CNTNAP2: variants seen among roughly 807,000 people sequenced by gnomAD.
The protein encoded by CNTNAP2 is contactin-associated protein-like 2.
A neutral mutation model predicts 155.2 loss-of-function variants in CNTNAP2; 98 were observed. The observed-to-expected ratio is 0.63, with a 90% CI of 0.54 to 0.75. CNTNAP2 has a LOEUF of 0.75. Ranked by LOEUF, CNTNAP2 falls within the 30% of genes least tolerant of loss-of-function variation. The pLI is 0.00. For synonymous variants in CNTNAP2, 651 were observed against 631.2 expected, an observed-to-expected ratio of 1.03 and a Z score of -0.47; for missense variants, 1,727 against 1,688.1, an observed-to-expected ratio of 1.02 and a Z score of -0.40.
At chr7:147,110,080 A>G (rs1800845859) in intron 5 of CNTNAP2, among the ~76,000 whole-genome samples, 1 of 151,940 alleles carries the variant, frequency 6.6e-6, no homozygotes, top group African/African-American at 2.4e-5. Flanking sequence ...ACCTACCACC[A>G]TGCCCGGTTA....
chr7:146,468,679 T>G (rs1796751665), intron 1 of CNTNAP2, among the ~76,000 whole-genome samples: 1 of 152,092 alleles, frequency 6.6e-6, no homozygotes, highest in African/African-American at 2.4e-5. Flanking sequence ...AGAAATAAGC[T>G]CTCTGCTTTG....
At chr7:146,821,052 G>A (rs1356785190) in intron 2 of CNTNAP2, among the ~76,000 whole-genome samples, 4 of 152,092 alleles carry the variant, frequency 2.6e-5, no homozygotes, top group Non-Finnish European at 4.4e-5. Context: ...TTGAGCCTAT[G>A]TGTGTGTCTG....
intron 8 of CNTNAP2, among the ~76,000 whole-genome samples, chr7:147,238,478 C>G (rs1259352798): frequency 6.6e-6 from 1 of 152,020 alleles, no homozygotes; most frequent in Admixed American, 6.6e-5. Context: ...AAATAGTCAT[C>G]TAAATCCTGA....
chr7:146,372,585 T>C (rs1795251185), intron 1 of CNTNAP2, among the ~76,000 whole-genome samples: 1 of 152,156 alleles, frequency 6.6e-6, no homozygotes, highest in Non-Finnish European at 1.5e-5. Context: ...GTTATTTTCA[T>C]GTTCCCAAAT....
intron 8 of CNTNAP2, among the ~76,000 whole-genome samples, chr7:147,292,904 G>A (rs1367403184): frequency 1.3e-5 from 2 of 152,056 alleles, no homozygotes; most frequent in African/African-American, 4.8e-5. Context: ...GGAGTAGCTG[G>A]GATTACAGGC....
At chr7:147,469,868 A>G (rs376838289) in intron 10 of CNTNAP2, among the ~76,000 whole-genome samples, 25 of 152,268 alleles carry the variant, frequency 1.6e-4, no homozygotes, top group African/African-American at 6.0e-4. Context: ...TTGGGATGGC[A>G]TTTGTGCACA....
At chr7:148,201,116 G>A (rs778815948) in intron 18 of CNTNAP2, among the ~76,000 whole-genome samples, 2 of 152,234 alleles carry the variant, frequency 1.3e-5, no homozygotes, top group Non-Finnish European at 1.5e-5. Context: ...CAAACTCTCA[G>A]CATGTCAGAT....
intron 2 of CNTNAP2, among the ~76,000 whole-genome samples, chr7:146,780,424 T>C (rs1485580541): frequency 8.6e-5 from 13 of 151,980 alleles, no homozygotes. Context: ...CTCCTGACCT[T>C]GTGATCCACC....
intron 1 of CNTNAP2, among the ~76,000 whole-genome samples, chr7:146,703,365 C>G (rs1281979300): frequency 6.6e-6 from 1 of 152,116 alleles, no homozygotes; most frequent in Non-Finnish European, 1.5e-5. Flanking sequence ...ATGCAGAAAT[C>G]AAACTGTGGA....
chr7:147,140,323 G>T (rs144251677), intron 8 of CNTNAP2, among the ~76,000 whole-genome samples: 2 of 151,944 alleles, frequency 1.3e-5, no homozygotes, highest in Admixed American at 6.6e-5. Flanking sequence ...ACCCCTAGAC[G>T]TACAACCTGC....
chr7:146,820,607 AGGTGT>A (rs992010407), intron 2 of CNTNAP2, among the ~76,000 whole-genome samples: 10 of 152,096 alleles, frequency 6.6e-5, no homozygotes, highest in Admixed American at 2.0e-4. Flanking sequence ...ATTTTGGAGT[AGGTGT>A]GGTGTGGTGC....
chr7:147,128,773 C>A lies in CNTNAP2; in HGVS notation c.1020C>A (p.Ile340=). The change falls in exon 7 of 24, where the codon ATC becomes ATA. Residue 340 remains isoleucine (I), a synonymous_variant. Coordinates refer to ENST00000361727, the MANE Select transcript of CNTNAP2 (RefSeq NM_014141.6). ...ATTTCAAAGGCTGCATGGAAAGCAT[C>A]AACTACAATGGCGTCAACATTACTG... is the stretch of plus-strand genomic sequence containing the variant. ...RKNFKGCMES[I]NYNGVNITDL... 6.2e-7 allele frequency: 1 copy of A among 1,614,076 alleles called. No individual in the cohort carries two copies. Among genetic ancestry groups the A allele is most frequent in the South Asian group, 1.1e-5 (1 of 91,088 alleles).
intron 1 of CNTNAP2, among the ~76,000 whole-genome samples, chr7:146,493,725 C>G (rs150889740): frequency 4.0e-4 from 61 of 151,748 alleles, no homozygotes; most frequent in African/African-American, 1.5e-3. Context: ...AAAACAGACA[C>G]TTAAAAGTTT....
intron 11 of CNTNAP2, among the ~76,000 whole-genome samples, chr7:147,536,217 C>T (rs1237123954): frequency 2.6e-5 from 4 of 152,230 alleles, no homozygotes; most frequent in African/African-American, 7.2e-5. Flanking sequence ...TCTCCAATTA[C>T]TCTTCATCTG....
intron 22 of CNTNAP2, among the ~76,000 whole-genome samples, chr7:148,399,344 G>GT (rs68151833): frequency 0.13 from 20,536 of 152,162 alleles, 2,929 homozygotes; most frequent in African/African-American, 0.36. Context: ...GCAGTGGCAC[G>GT]TGCCTATAGT....
chr7:147,665,908 T>A (rs1719837996), intron 13 of CNTNAP2, among the ~76,000 whole-genome samples: 1 of 152,182 alleles, frequency 6.6e-6, no homozygotes, highest in African/African-American at 2.4e-5. Context: ...TCTTTGTGTA[T>A]TCTAACAGTT....
chr7:146,658,446 T>C (rs936463741), intron 1 of CNTNAP2, among the ~76,000 whole-genome samples: 3 of 151,994 alleles, frequency 2.0e-5, no homozygotes, highest in African/African-American at 7.3e-5. Flanking sequence ...AAAAGGAATA[T>C]TCATCCTTTT....
intron 8 of CNTNAP2, among the ~76,000 whole-genome samples, chr7:147,255,048 C>T (rs1804291376): frequency 6.6e-6 from 1 of 152,112 alleles, no homozygotes; most frequent in Non-Finnish European, 1.5e-5. Flanking sequence ...GGGAAAAAAC[C>T]TGCAGCAAGA....
intron 1 of CNTNAP2, among the ~76,000 whole-genome samples, chr7:146,535,178 C>A (rs57369881): frequency 1.7e-4 from 2 of 11,716 alleles, no homozygotes; most frequent in East Asian, 5.3e-3. Flanking sequence ...TATCATATAT[C>A]ATATATATGA....
Sources: allele counts gnomAD v4.1 joint callset (sites outside exome capture counted in the v4.1 genomes callset), GRCh38; gene constraint gnomAD v4.1.1; transcripts MANE v1.5; gene names NCBI Gene and HGNC (gene_info 2026-07-23, HGNC 2026-07-21).